The following ANK3 variants were observed in gnomAD, a reference collection of about 807,000 sequenced individuals.
ANK3 encodes the protein ankyrin-3.
A neutral mutation model predicts 370.9 loss-of-function variants in ANK3; 57 were observed. The observed-to-expected ratio is 0.15, with a 90% CI of 0.12 to 0.19. The LOEUF (loss-of-function observed/expected upper bound fraction) is 0.19. Ranked by LOEUF, ANK3 falls within the 10% of genes least tolerant of loss-of-function variation. The pLI is 1.00. For synonymous variants in ANK3, 1,929 were observed against 1,946.3 expected, an observed-to-expected ratio of 0.99 and a Z score of 0.23; for missense variants, 4,439 against 5,302.1, an observed-to-expected ratio of 0.84 and a Z score of 5.06.
At chr10:60,642,479 G>A (rs1312106952) in intron 1 of ANK3, among the ~76,000 whole-genome samples, 1 of 152,272 alleles carries the variant, frequency 6.6e-6, no homozygotes, top group East Asian at 1.9e-4. Context: ...CATGTCCTTT[G>A]TAGGGACATG....
chr10:60,043,603 T>C, intron 42 of ANK3: 1 of 985,422 alleles, frequency 1.0e-6, no homozygotes, highest in Non-Finnish European at 1.2e-6. Context: ...CAGATTTCCC[T>C]GCAGAACATA....
intron 16 of ANK3, among the ~76,000 whole-genome samples, chr10:60,195,211 G>C (rs537136493): frequency 6.6e-6 from 1 of 151,894 alleles, no homozygotes; most frequent in East Asian, 1.9e-4. Flanking sequence ...GGTGAAACCC[G>C]GTCTCTACCA....
chr10:60,639,319 GA>G (rs1394353990), intron 1 of ANK3, among the ~76,000 whole-genome samples: 5 of 141,890 alleles, frequency 3.5e-5, no homozygotes, highest in African/African-American at 7.7e-5. Flanking sequence ...AGACCAAAAA[GA>G]AAAAAAAAAG....
chr10:60,555,299 C>A (rs1012174945), intron 2 of ANK3, among the ~76,000 whole-genome samples: 26 of 151,796 alleles, frequency 1.7e-4, no homozygotes, highest in African/African-American at 6.3e-4. Context: ...TAGTGAGACT[C>A]CCATCTCTAT....
intron 2 of ANK3, among the ~76,000 whole-genome samples, chr10:60,540,903 T>C (rs1484209388): frequency 6.6e-6 from 1 of 151,942 alleles, no homozygotes; most frequent in Non-Finnish European, 1.5e-5. Flanking sequence ...TCCAAGTATA[T>C]TGTAGAAATA....
At chr10:60,306,628 T>C (rs1415096169) in intron 1 of ANK3, among the ~76,000 whole-genome samples, 2 of 152,178 alleles carry the variant, frequency 1.3e-5, no homozygotes, top group African/African-American at 4.8e-5. Flanking sequence ...GTTCTACTTT[T>C]AGTTCTTTAA....
At chr10:60,140,660 A>G in intron 23 of ANK3, 1 of 1,331,480 alleles carries the variant, frequency 7.5e-7, no homozygotes, top group Non-Finnish European at 9.6e-7. Context: ...CACTTCGCAG[A>G]CATCCTTTTA....
chr10:60,267,899 T>C (rs1358988319), intron 5 of ANK3, among the ~76,000 whole-genome samples: 2 of 152,248 alleles, frequency 1.3e-5, no homozygotes, highest in Non-Finnish European at 2.9e-5. Flanking sequence ...TGCCTGTCTC[T>C]ATTTCCCCTG....
intron 7 of ANK3, among the ~76,000 whole-genome samples, chr10:60,240,866 T>C (rs1480266450): frequency 6.6e-6 from 1 of 152,224 alleles, no homozygotes; most frequent in Non-Finnish European, 1.5e-5. Context: ...GCTGGGATTA[T>C]AGGCATGAGC....
Position 60,157,912 on chromosome 10 carries a change from G to GAGAGAGAGAGAC in ANK3, c.2614+8678_2614+8679insGTCTCTCTCTCT, listed in dbSNP as rs2095390963. ...AGAGAGAGAGAGAGAGAGAGAGAGA[G>GAGAGAGAGAGAC]AGAGAGAGAGAGGCAGCGGCAGGGA... On this transcript the variant is annotated intron_variant, in intron 23 of 43. Transcript: ENST00000280772. Among the ~76,000 whole-genome samples, 7 of 150,768 alleles carry GAGAGAGAGAGAC rather than the reference G, an allele frequency of 4.6e-5. No individual in the cohort carries two copies. The South Asian group carries it at 1.0e-3, about 23-fold the overall frequency.
At position 60,097,429 on chromosome 10, in the gene ANK3, A is replaced by C. The variant is rs571782738; in HGVS notation, c.3328+8476T>G. ...CAGCAGGCCTGATTACAGAGCCACT[A>C]ATGTTCTATAGCCTTCTTGCCTCAT... is the stretch of plus-strand genomic sequence containing the variant. On this transcript the variant is annotated intron_variant, in intron 28 of 43. Transcript: ENST00000280772. 2.0e-3 allele frequency among the ~76,000 whole-genome samples: 302 copies of C among 152,348 alleles called. 1 individual carries two copies. The highest frequency in any genetic ancestry group is 6.9e-3 in the African/African-American group (287 of 41,586).
chr10:60,595,847 T>A (rs972188684), intron 2 of ANK3, among the ~76,000 whole-genome samples: 5 of 152,204 alleles, frequency 3.3e-5, no homozygotes, highest in African/African-American at 1.2e-4. Flanking sequence ...TTCACTGTCA[T>A]AATTTTCCTA....
intron 43 of ANK3, among the ~76,000 whole-genome samples, chr10:60,032,191 C>CTTTTTTTTT (rs1564505236): frequency 4.5e-4 from 26 of 57,924 alleles, no homozygotes; most frequent in African/African-American, 1.6e-3. Flanking sequence ...AAATACACAG[C>CTTTTTTTTT]TTCTTTTTTT....
upstream of ANK3, among the ~76,000 whole-genome samples, chr10:60,391,177 G>A (rs1357334180): frequency 1.3e-5 from 2 of 152,210 alleles, no homozygotes; most frequent in East Asian, 1.9e-4. Flanking sequence ...CCAATGGACT[G>A]CGCACTTCTC....
At chr10:60,587,383 T>A (rs2077847121) in intron 2 of ANK3, among the ~76,000 whole-genome samples, 1 of 151,916 alleles carries the variant, frequency 6.6e-6, no homozygotes, top group Non-Finnish European at 1.5e-5. Context: ...TTCATTAGAG[T>A]TTCCCTAACT....
At chr10:60,105,799 C>A in intron 28 of ANK3, 106 bp downstream of exon 28, 5 of 1,252,166 alleles carry the variant, frequency 4.0e-6, no homozygotes, top group Non-Finnish European at 5.4e-6. Context: ...TGGGTCCTAG[C>A]TTAAAATACA....
At chr10:60,277,979 G>C (rs7069326) in intron 4 of ANK3, among the ~76,000 whole-genome samples, 1 of 152,072 alleles carries the variant, frequency 6.6e-6, no homozygotes, top group African/African-American at 2.4e-5. Context: ...CTCAAATAAT[G>C]AATACTTGAA....
At chr10:60,683,114 G>A (rs772609333) in intron 1 of ANK3, among the ~76,000 whole-genome samples, 1 of 152,086 alleles carries the variant, frequency 6.6e-6, no homozygotes, top group Non-Finnish European at 1.5e-5. Context: ...AAAAACCCCC[G>A]CATCTTTGGT....
intron 2 of ANK3, among the ~76,000 whole-genome samples, chr10:60,430,977 C>T (rs760873131): frequency 8.5e-5 from 13 of 152,154 alleles, no homozygotes; most frequent in Non-Finnish European, 1.6e-4. Context: ...AGCAGTGGTT[C>T]CCAACCTTTT....
Sources: gnomAD v4.1 joint callset for allele counts (sites outside exome capture counted in the v4.1 genomes callset) on GRCh38, gnomAD v4.1.1 for gene constraint, MANE v1.5 for transcripts, NCBI Gene and HGNC (gene_info 2026-07-23, HGNC 2026-07-21) for gene names.